Variants in RNGTT observed in about 807,000 individuals in gnomAD.
The protein encoded by RNGTT is mRNA-capping enzyme.
Under a neutral mutation model 79.3 loss-of-function variants are expected in RNGTT, and 33 were observed. The ratio of observed to expected loss-of-function variants is 0.42; its 90% confidence interval spans 0.32 to 0.56. The LOEUF is 0.56. RNGTT is among the 20% of genes least tolerant of loss of function. The probability of loss-of-function intolerance (pLI) is 0.17; values close to 1 mark genes in which losing one functional copy is unlikely to be tolerated. For synonymous variants in RNGTT, 222 were observed against 235.9 expected, an observed-to-expected ratio of 0.94 and a Z score of 0.54; for missense variants, 497 against 739.1, an observed-to-expected ratio of 0.67 and a Z score of 3.80.
chr6:88,717,530 T>A (rs1562214106), intron 13 of RNGTT, among the ~76,000 whole-genome samples: 1 of 152,196 alleles, frequency 6.6e-6, no homozygotes, highest in Non-Finnish European at 1.5e-5. Context: ...AAAACTGTTT[T>A]CAGAAGAAGG....
At chr6:88,871,882 A>T (rs1243404638) in intron 8 of RNGTT, among the ~76,000 whole-genome samples, 1 of 152,154 alleles carries the variant, frequency 6.6e-6, no homozygotes, top group Non-Finnish European at 1.5e-5. Flanking sequence ...ATGGCCACGA[A>T]GAAGATGGAA....
intron 13 of RNGTT, among the ~76,000 whole-genome samples, chr6:88,680,811 A>G (rs1775067034): frequency 6.6e-6 from 1 of 152,084 alleles, no homozygotes; most frequent in Non-Finnish European, 1.5e-5. Flanking sequence ...TGCTAAATAC[A>G]ATTCTGAATT....
At chr6:88,730,450 C>T (rs746537788) in intron 13 of RNGTT, among the ~76,000 whole-genome samples, 7 of 152,236 alleles carry the variant, frequency 4.6e-5, no homozygotes, top group Non-Finnish European at 1.0e-4. Context: ...CCTTGTCCAA[C>T]TGTGTGCTCA....
At chr6:88,713,918 A>T (rs1017252456) in intron 13 of RNGTT, among the ~76,000 whole-genome samples, 10 of 152,166 alleles carry the variant, frequency 6.6e-5, no homozygotes, top group Non-Finnish European at 1.5e-4. Flanking sequence ...ATTGTGAAAG[A>T]TATATAAATT....
intron 2 of RNGTT, among the ~76,000 whole-genome samples, chr6:88,933,867 A>G (rs1218481017): frequency 1.3e-5 from 2 of 152,152 alleles, no homozygotes; most frequent in African/African-American, 2.4e-5. Context: ...CAGTAGTGAA[A>G]CTGCTAGATC....
chr6:88,856,006 C>T (rs1219219122), intron 8 of RNGTT, among the ~76,000 whole-genome samples: 2 of 152,128 alleles, frequency 1.3e-5, no homozygotes, highest in Admixed American at 6.5e-5. Context: ...AGGACTTAGG[C>T]TGGCATTTTG....
At chr6:88,680,617 T>C (rs572715050) in intron 13 of RNGTT, among the ~76,000 whole-genome samples, 19 of 151,718 alleles carry the variant, frequency 1.3e-4, no homozygotes, top group Non-Finnish European at 2.5e-4. Flanking sequence ...TGGCGCATGC[T>C]TGTAATCCCA....
chr6:88,917,752 T>A (rs950886071), intron 4 of RNGTT, among the ~76,000 whole-genome samples: 7 of 151,962 alleles, frequency 4.6e-5, no homozygotes, highest in African/African-American at 1.7e-4. Flanking sequence ...CTGGGGTTGG[T>A]GGCGGTTGCC....
chr6:88,850,428 G>A (rs573932651), intron 9 of RNGTT, among the ~76,000 whole-genome samples: 1 of 150,596 alleles, frequency 6.6e-6, no homozygotes, highest in Admixed American at 6.6e-5. Context: ...ACAAGATAAG[G>A]ACATTAAAGG....
chr6:88,861,996 T>C (rs922980328), intron 8 of RNGTT, among the ~76,000 whole-genome samples: 2 of 152,166 alleles, frequency 1.3e-5, no homozygotes, highest in African/African-American at 4.8e-5. Flanking sequence ...ATACTATAAT[T>C]CCATAGAAAT....
At chr6:88,696,358 C>T (rs1775667582) in intron 13 of RNGTT, among the ~76,000 whole-genome samples, 1 of 152,010 alleles carries the variant, frequency 6.6e-6, no homozygotes, top group African/African-American at 2.4e-5. Flanking sequence ...TATTTGAATA[C>T]TTAAGTAAAT....
intron 14 of RNGTT, among the ~76,000 whole-genome samples, chr6:88,677,728 C>T (rs1327505763): frequency 6.6e-6 from 1 of 152,024 alleles, no homozygotes; most frequent in African/African-American, 2.4e-5. Flanking sequence ...CCTCCCACCT[C>T]GGCCTCAAAA....
intron 13 of RNGTT, among the ~76,000 whole-genome samples, chr6:88,698,764 A>G (rs555829455): frequency 2.0e-5 from 3 of 152,272 alleles, no homozygotes; most frequent in African/African-American, 7.2e-5. Flanking sequence ...AGATATATGC[A>G]TTGTTCAACT....
chr6:88,929,797 A>G (rs1330206966), intron 2 of RNGTT, among the ~76,000 whole-genome samples: 1 of 151,740 alleles, frequency 6.6e-6, no homozygotes, highest in Non-Finnish European at 1.5e-5. Context: ...TATCATATAT[A>G]TGATGTGTAT....
intron 13 of RNGTT, among the ~76,000 whole-genome samples, chr6:88,728,918 A>C (rs1414065125): frequency 6.6e-6 from 1 of 152,246 alleles, no homozygotes; most frequent in African/African-American, 2.4e-5. Context: ...CCGCACGTTA[A>C]ACAAAAGCAA....
intron 8 of RNGTT, among the ~76,000 whole-genome samples, chr6:88,880,167 A>T (rs1782650098): frequency 6.9e-6 from 1 of 144,332 alleles, no homozygotes; most frequent in Non-Finnish European, 1.5e-5. Flanking sequence ...TAAGTTTCCA[A>T]TATAATTTCT....
rs545949216 is a variant in RNGTT, at chr6:88,893,946, CAAGA to C, written c.685-2035_685-2032del. On this transcript the variant is annotated intron_variant, in intron 6 of 15. Coordinates refer to ENST00000369485, the MANE Select transcript of RNGTT (RefSeq NM_003800.5). Reference sequence around the variant, plus strand: ...TATATTATTCAAAATTATATAACTCCAAGAAAGACCACTAATTTTTTTATTTATT... The same window carrying C: ...TATATTATTCAAAATTATATAACTCCAAGACCACTAATTTTTTTATTTATT... 2.6e-4 allele frequency among the ~76,000 whole-genome samples: 40 copies of C among 152,180 alleles called. No homozygotes were observed. In the South Asian group the frequency reaches 8.3e-3, roughly 32 times the overall value.
At chr6:88,719,690 G>A (rs375129836) in intron 13 of RNGTT, among the ~76,000 whole-genome samples, 2 of 152,300 alleles carry the variant, frequency 1.3e-5, no homozygotes, top group African/African-American at 4.8e-5. Context: ...AAAAGCCTCT[G>A]AAATACAAGG....
chr6:88,788,639 A>C (rs150290890), intron 12 of RNGTT, among the ~76,000 whole-genome samples: 301 of 152,372 alleles, frequency 2.0e-3, no homozygotes, highest in Non-Finnish European at 3.2e-3. Context: ...CAATGGAAAC[A>C]GAATGCTGAC....
Sources: allele counts gnomAD v4.1 joint callset (sites outside exome capture counted in the v4.1 genomes callset), GRCh38; gene constraint gnomAD v4.1.1; transcripts MANE v1.5; gene names NCBI Gene and HGNC (gene_info 2026-07-23, HGNC 2026-07-21).